The following TYW1 variants were observed in gnomAD, a reference collection of about 807,000 sequenced individuals.
The protein encoded by TYW1 is S-adenosyl-L-methionine-dependent tRNA 4-demethylwyosine synthase TYW1.
TYW1 carries 46 observed loss-of-function variants against 96.2 expected under a neutral mutation model. The observed-to-expected ratio is 0.48, with a 90% CI of 0.38 to 0.61. TYW1 has a LOEUF of 0.61. Among genes scored for constraint, TYW1 ranks in the 20% least tolerant of loss-of-function variants. The pLI is 0.00. For synonymous variants in TYW1, 274 were observed against 323.0 expected (o/e 0.85, Z 1.63); for missense variants, 684 against 909.6 (o/e 0.75, Z 3.19).
At chr7:67,116,128 C>A (rs1797584635) in intron 12 of TYW1, among the ~76,000 whole-genome samples, 1 of 151,884 alleles carries the variant, frequency 6.6e-6, no homozygotes, top group African/African-American at 2.4e-5. Flanking sequence ...GAGTTCAAGA[C>A]CAGCCTGGCC....
chr7:67,040,515 G>T (rs993168776), intron 7 of TYW1, among the ~76,000 whole-genome samples: 5 of 151,948 alleles, frequency 3.3e-5, no homozygotes, highest in Non-Finnish European at 5.9e-5. Flanking sequence ...CTGATTGAGA[G>T]ATTTTTGTAT....
intron 13 of TYW1, among the ~76,000 whole-genome samples, chr7:67,139,344 G>A (rs1013825758): frequency 3.9e-5 from 6 of 152,314 alleles, no homozygotes; most frequent in African/African-American, 1.4e-4. Context: ...GAGCCACCAT[G>A]CCCGGCCTAT....
intron 14 of TYW1, among the ~76,000 whole-genome samples, chr7:67,187,042 C>G (rs1156303664): frequency 6.8e-6 from 1 of 146,322 alleles, no homozygotes; most frequent in Non-Finnish European, 1.5e-5. Flanking sequence ...AAATGTATAA[C>G]CACAATTAAA....
intron 4 of TYW1, 70 bp from the exon 5 acceptor site, chr7:67,014,297 C>T (rs1198712976): frequency 2.0e-6 from 3 of 1,511,878 alleles, no homozygotes; most frequent in Non-Finnish European, 2.7e-6. Context: ...TGCTTTTTTT[C>T]AAAGGATTTT....
intron 11 of TYW1, among the ~76,000 whole-genome samples, chr7:67,091,421 G>C (rs537163567): frequency 1.4e-5 from 2 of 144,904 alleles, no homozygotes; most frequent in Admixed American, 6.9e-5. Context: ...TCATGGGTTG[G>C]GGGGAGGGGG....
intron 11 of TYW1, among the ~76,000 whole-genome samples, chr7:67,095,612 C>T (rs1178736233): frequency 1.3e-5 from 2 of 151,834 alleles, no homozygotes; most frequent in African/African-American, 4.8e-5. Flanking sequence ...GAGCTGAGAT[C>T]ACGCCATTGC....
intron 13 of TYW1, among the ~76,000 whole-genome samples, chr7:67,147,014 C>T (rs1283448278): frequency 1.3e-5 from 2 of 152,132 alleles, no homozygotes; most frequent in Non-Finnish European, 2.9e-5. Context: ...TTGCATAACT[C>T]TTCCATTTAC....
At chr7:67,016,980 ATTTTT>A (rs35358824) in intron 5 of TYW1, among the ~76,000 whole-genome samples, 1 of 121,766 alleles carries the variant, frequency 8.2e-6, no homozygotes, top group Non-Finnish European at 1.7e-5. Flanking sequence ...AGATATGTAA[ATTTTT>A]TTTTTTTTTT....
At chr7:67,130,959 ATGCCTTTT>A (rs1475534656) in intron 13 of TYW1, among the ~76,000 whole-genome samples, 2 of 152,174 alleles carry the variant, frequency 1.3e-5, no homozygotes, top group Non-Finnish European at 1.5e-5. Context: ...GATGTGTGTT[ATGCCTTTT>A]TGTTCACTGT....
At chr7:67,059,096 GTT>G (rs557933957) in intron 9 of TYW1, among the ~76,000 whole-genome samples, 59 of 124,570 alleles carry the variant, frequency 4.7e-4, no homozygotes, top group East Asian at 7.5e-4. Context: ...TGAAGACAAA[GTT>G]TTTTTTTTTT....
intron 5 of TYW1, among the ~76,000 whole-genome samples, chr7:67,015,853 C>T (rs1241025540): frequency 6.6e-6 from 1 of 151,512 alleles, no homozygotes; most frequent in Non-Finnish European, 1.5e-5. Flanking sequence ...GTTCCAGCTA[C>T]TCGGGAGGCT....
At chr7:67,134,661 G>A (rs954777030) in intron 13 of TYW1, among the ~76,000 whole-genome samples, 15 of 151,912 alleles carry the variant, frequency 9.9e-5, no homozygotes, top group South Asian at 6.2e-4. Flanking sequence ...GCCAGGAAGC[G>A]GAAGCTGTCA....
intron 13 of TYW1, among the ~76,000 whole-genome samples, chr7:67,148,635 G>A (rs1798688010): frequency 6.6e-6 from 1 of 151,982 alleles, no homozygotes; most frequent in African/African-American, 2.4e-5. Flanking sequence ...GTTTCACTGT[G>A]TTAGCCAGGA....
At chr7:67,204,563 T>C (rs892982658) in intron 15 of TYW1, among the ~76,000 whole-genome samples, 58 of 144,938 alleles carry the variant, frequency 4.0e-4, no homozygotes, top group Non-Finnish European at 2.4e-4. Flanking sequence ...TCTTCTTCTT[T>C]CTTCTTCCTT....
At chr7:67,100,996 A>G (rs1204764841) in intron 12 of TYW1, among the ~76,000 whole-genome samples, 2 of 152,152 alleles carry the variant, frequency 1.3e-5, no homozygotes, top group Non-Finnish European at 2.9e-5. Context: ...AAGAGTTTTC[A>G]AGGATTCAGG....
In TYW1 at chr7:67,024,950, C is replaced by A; in HGVS notation, c.912C>A (p.Asp304Glu). 6.2e-7 allele frequency: 1 copy of A among 1,613,812 alleles called. No individual in the cohort carries two copies. The highest frequency in any genetic ancestry group is 8.5e-7 in the Non-Finnish European group (1 of 1,179,844). Residue 304 changes from aspartate to glutamate, a missense_variant, in exon 7 of 16, where the codon GAC becomes GAA. Coordinates refer to ENST00000359626, the MANE Select transcript of TYW1 (RefSeq NM_018264.4). ...GTGAAGAAGAGTTTGGTGGTGAGGA[C>A]CATCAGAGCCTAAATTCCATTGTTG... The part of the protein sequence containing the change: ...SSSEEEFGGE[D>E]HQSLNSIVDV...
intron 15 of TYW1, among the ~76,000 whole-genome samples, chr7:67,211,105 T>G (rs1801002041): frequency 6.6e-6 from 1 of 151,042 alleles, no homozygotes; most frequent in African/African-American, 2.4e-5. Context: ...CATTCGGATC[T>G]CTTTCAGTTG....
At chr7:67,123,737 A>G (rs543122702) in intron 13 of TYW1, among the ~76,000 whole-genome samples, 10 of 152,342 alleles carry the variant, frequency 6.6e-5, no homozygotes, top group South Asian at 2.1e-4. Context: ...CACATAGAGA[A>G]TGAGTCTGGG....
At chr7:67,039,228 G>A (rs1349890844) in intron 7 of TYW1, among the ~76,000 whole-genome samples, 1 of 151,986 alleles carries the variant, frequency 6.6e-6, no homozygotes, top group Admixed American at 6.6e-5. Context: ...AGGCTGAGAC[G>A]GGCAGATCAT....
Sources: gnomAD v4.1 joint callset for allele counts (sites outside exome capture counted in the v4.1 genomes callset) on GRCh38, gnomAD v4.1.1 for gene constraint, MANE v1.5 for transcripts, NCBI Gene and HGNC (gene_info 2026-07-23, HGNC 2026-07-21) for gene names.